Variants in AKAP6 observed in about 807,000 individuals in gnomAD.
AKAP6 encodes A-kinase anchor protein 6.
AKAP6 carries 58 observed loss-of-function variants against 188.5 expected under a neutral mutation model. The observed-to-expected ratio is 0.31, with a 90% CI of 0.25 to 0.38. The LOEUF (loss-of-function observed/expected upper bound fraction) is 0.38, where lower values mean the gene tolerates loss of function less well. Among genes scored for constraint, AKAP6 ranks in the 10% least tolerant of loss-of-function variants. The probability of loss-of-function intolerance (pLI) is 1.00; values close to 1 mark genes in which losing one functional copy is unlikely to be tolerated. For synonymous variants in AKAP6, 989 were observed against 998.6 expected (o/e 0.99, Z 0.18); for missense variants, 2,710 against 2,740.0 (o/e 0.99, Z 0.24).
chr14:32,781,902 C>T (rs564597848), intron 12 of AKAP6, among the ~76,000 whole-genome samples: 2 of 152,100 alleles, frequency 1.3e-5, no homozygotes, highest in Non-Finnish European at 2.9e-5. Flanking sequence ...GTGGCTCACA[C>T]CTGTAATCCC....
chr14:32,535,131 C>T (rs12896150), intron 2 of AKAP6, among the ~76,000 whole-genome samples: 1 of 152,034 alleles, frequency 6.6e-6, no homozygotes, highest in African/African-American at 2.4e-5. Context: ...GGTTATCTTT[C>T]TTCAAAGGTG....
intron 1 of AKAP6, among the ~76,000 whole-genome samples, chr14:32,361,071 T>TATATATATATA (rs1213844124): frequency 1.1e-4 from 17 of 149,060 alleles, no homozygotes; most frequent in South Asian, 6.5e-4. Flanking sequence ...TATATATATA[T>TATATATATATA]TTGAGAAGCT....
intron 2 of AKAP6, among the ~76,000 whole-genome samples, chr14:32,517,856 T>A (rs1881602336): frequency 6.6e-6 from 1 of 152,220 alleles, no homozygotes; most frequent in South Asian, 2.1e-4. Context: ...GTGGTTCTCC[T>A]AGCACGGAGT....
At chr14:32,735,613 TTTG>T in intron 10 of AKAP6, 42 bp from the exon 11 acceptor site, 1 of 1,420,444 alleles carries the variant, frequency 7.0e-7, no homozygotes, top group Non-Finnish European at 9.6e-7. Flanking sequence ...GGGGTTTTTT[TTTG>T]TTTGTTTGTT....
chr14:32,398,890 C>T lies in AKAP6; in HGVS notation c.-34-34570C>T, dbSNP rs1399984447. 2.5e-5 allele frequency among the ~76,000 whole-genome samples: 3 copies of T among 118,136 alleles called. No individual in the cohort carries two copies. In the Admixed American group the frequency reaches 3.5e-4, roughly 14 times the overall value. The allele number at this position is 118,136 out of a possible 152,430, so 77.5% of individuals were successfully genotyped here. On this transcript the variant is annotated intron_variant, in intron 1 of 13. Transcript: ENST00000280979. ...TTTTTTTGATGGAGTCTTTCTCTGT[C>T]GCCCAGGCTGGAGTGCAGTGATGTG...
chr14:32,764,844 A>C (rs892399870), intron 11 of AKAP6, among the ~76,000 whole-genome samples: 6 of 152,186 alleles, frequency 3.9e-5, no homozygotes, highest in Admixed American at 2.0e-4. Context: ...AGATTAGTGA[A>C]AATAACCAAG....
intron 7 of AKAP6, among the ~76,000 whole-genome samples, chr14:32,674,875 G>T (rs1352497345): frequency 6.6e-6 from 1 of 152,138 alleles, no homozygotes; most frequent in Non-Finnish European, 1.5e-5. Context: ...CAACACACCA[G>T]TGATGTCAAC....
chr14:32,469,030 C>T (rs564859976), intron 2 of AKAP6, among the ~76,000 whole-genome samples: 3 of 152,286 alleles, frequency 2.0e-5, no homozygotes, highest in South Asian at 4.1e-4. Flanking sequence ...ATTAACTAGG[C>T]ATTCCACTAG....
At chr14:32,551,809 G>C (rs970571817) in intron 4 of AKAP6, among the ~76,000 whole-genome samples, 1 of 149,500 alleles carries the variant, frequency 6.7e-6, no homozygotes, top group African/African-American at 2.5e-5. Flanking sequence ...ACAGGTGCCT[G>C]CCACCACACC....
intron 4 of AKAP6, among the ~76,000 whole-genome samples, chr14:32,557,839 TC>T (rs1883759161): frequency 6.6e-6 from 1 of 152,206 alleles, no homozygotes; most frequent in African/African-American, 2.4e-5. Context: ...TTCTTCTGGA[TC>T]TAGTTTTCAC....
intron 7 of AKAP6, among the ~76,000 whole-genome samples, chr14:32,626,532 T>C (rs182385645): frequency 1.3e-5 from 2 of 152,228 alleles, no homozygotes; most frequent in East Asian, 1.9e-4. Flanking sequence ...TCCAGGCTCA[T>C]TGGCCCTTAG....
At chr14:32,386,410 T>C (rs1888538788) in intron 1 of AKAP6, among the ~76,000 whole-genome samples, 1 of 152,134 alleles carries the variant, frequency 6.6e-6, no homozygotes, top group African/African-American at 2.4e-5. Context: ...CTGCTTTTGA[T>C]AATTGTCTCT....
chr14:32,689,453 A>G (rs1890074761), intron 8 of AKAP6, among the ~76,000 whole-genome samples: 1 of 152,206 alleles, frequency 6.6e-6, no homozygotes, highest in African/African-American at 2.4e-5. Context: ...ACGTAGGTAT[A>G]TATAAAAACT....
chr14:32,500,351 A>T (rs1049001230), intron 2 of AKAP6, among the ~76,000 whole-genome samples: 1 of 152,200 alleles, frequency 6.6e-6, no homozygotes. Flanking sequence ...ATTTATTGAC[A>T]TCTAGCTTAA....
chr14:32,741,793 T>C (rs909276260), intron 11 of AKAP6, among the ~76,000 whole-genome samples: 2 of 150,464 alleles, frequency 1.3e-5, no homozygotes, highest in African/African-American at 4.9e-5. Context: ...TTTGCATCAG[T>C]ATTTATCAGA....
chr14:32,610,963 T>C (rs2139383421), intron 7 of AKAP6, among the ~76,000 whole-genome samples: 1 of 152,186 alleles, frequency 6.6e-6, no homozygotes, highest in African/African-American at 2.4e-5. Flanking sequence ...AATTTGGTCA[T>C]AGAAAACAGA....
chr14:32,785,370 G>A (rs1241039824), intron 12 of AKAP6, among the ~76,000 whole-genome samples: 1 of 152,112 alleles, frequency 6.6e-6, no homozygotes, highest in Admixed American at 6.5e-5. Context: ...TTTGAATTGA[G>A]AAAGTTTGAA....
intron 1 of AKAP6, among the ~76,000 whole-genome samples, chr14:32,342,598 C>G (rs1011986073): frequency 1.3e-5 from 2 of 152,162 alleles, no homozygotes; most frequent in Admixed American, 1.3e-4. Flanking sequence ...CATGATCTTT[C>G]TGCTGCTCTT....
chr14:32,386,390 A>G (rs1362084709), intron 1 of AKAP6, among the ~76,000 whole-genome samples: 1 of 151,942 alleles, frequency 6.6e-6, no homozygotes, highest in African/African-American at 2.4e-5. Flanking sequence ...TTTGTTGGCT[A>G]TTTGTATGTC....
Sources: allele counts gnomAD v4.1 joint callset (sites outside exome capture counted in the v4.1 genomes callset), GRCh38; gene constraint gnomAD v4.1.1; transcripts MANE v1.5; gene names NCBI Gene and HGNC (gene_info 2026-07-23, HGNC 2026-07-21).